Variants in POLR2J observed in about 807,000 individuals in gnomAD.
POLR2J encodes DNA-directed RNA polymerase II subunit RPB11-a.
POLR2J carries 12 observed loss-of-function variants against 13.4 expected under a neutral mutation model. That is an observed-to-expected ratio of 0.90 (90% confidence interval 0.57 to 1.45). The LOEUF (loss-of-function observed/expected upper bound fraction) is 1.45. POLR2J is among the 40% of genes most tolerant of loss of function. POLR2J has a pLI of 0.00. For synonymous variants in POLR2J, 31 were observed against 53.6 expected (o/e 0.58, Z 1.84); for missense variants, 58 against 132.0 (o/e 0.44, Z 2.75).
In POLR2J at chr7:102,473,580, T is replaced by G; in HGVS notation, c.*69A>C. ...GGACCGGCCGCTCTCCTCGGTGTGG[T>G]ACCTGGAGCGGAGGGTCAGGCACAG... On this transcript the variant is annotated 3_prime_UTR_variant, in exon 4 of 4. Transcript: ENST00000292614. The G allele has an allele frequency of 6.6e-7, 1 of 1,511,088 alleles. No homozygotes were observed. The highest frequency in any genetic ancestry group is 1.2e-5 in the South Asian group (1 of 80,536). The allele number at this position is 1,511,088 out of a possible 1,614,324, so 93.6% of individuals were successfully genotyped here. A position where few individuals can be genotyped will look rare whatever the true frequency, so the allele number is the denominator to read the frequency against.
intron 1 of POLR2J, 48 bp downstream of exon 1, chr7:102,478,760 C>A: frequency 6.2e-7 from 1 of 1,607,464 alleles, no homozygotes; most frequent in Non-Finnish European, 8.5e-7. Flanking sequence ...CAGAATGCGA[C>A]AGCCGCAGGC....
At position 102,473,223 on chromosome 7, in the gene POLR2J, A is replaced by G; in HGVS notation, c.*426T>C. The G allele has an allele frequency of 3.8e-6, 3 of 783,302 alleles. No homozygotes were observed. The highest frequency in any genetic ancestry group is 1.9e-5 in the South Asian group (1 of 52,012). 48.5% of individuals were successfully genotyped at this position (783,302 alleles called of 1,614,324 possible). A position where few individuals can be genotyped will look rare whatever the true frequency, so the allele number is the denominator to read the frequency against. ...GGAAGAAGTGTTCCTGCTTTGACTG[A>G]CAGGCAGGCCCAGGAGTTGAGGCTT... On this transcript the variant is annotated 3_prime_UTR_variant, in exon 4 of 4. Transcript: ENST00000292614.
intron 3 of POLR2J, chr7:102,473,985 G>A: frequency 1.4e-6 from 2 of 1,434,930 alleles, no homozygotes; most frequent in South Asian, 3.0e-5. Flanking sequence ...CATGCGCCCT[G>A]CCAGGAACAG....
chr7:102,476,603 C>T (rs1308619443), intron 1 of POLR2J, among the ~76,000 whole-genome samples: 1 of 131,966 alleles, frequency 7.6e-6, no homozygotes, highest in Non-Finnish European at 1.6e-5. Flanking sequence ...CATGCCACTG[C>T]ACTCCAGCCT....
At chr7:102,475,319 A>G (rs1420684641) in intron 2 of POLR2J, among the ~76,000 whole-genome samples, 1 of 152,254 alleles carries the variant, frequency 6.6e-6, no homozygotes, top group Non-Finnish European at 1.5e-5. Context: ...TCCCTGGGCC[A>G]GAATGGCAGA....
Position 102,473,465 on chromosome 7 carries a change from G to A in POLR2J, c.*184C>T, listed in dbSNP as rs188146786. ...TCAAGTCCACATCCAGGTCTCTCCC[G>A]CTATACTTTATTAGGAATATAAAAC... On this transcript the variant is annotated 3_prime_UTR_variant, in exon 4 of 4. Coordinates refer to ENST00000292614, the MANE Select transcript of POLR2J (RefSeq NM_006234.6). 180 of 780,372 alleles carry A rather than the reference G, an allele frequency of 2.3e-4. No individual in the cohort carries two copies. In the African/African-American group the frequency reaches 2.7e-3, roughly 12 times the overall value. 48.3% of individuals were successfully genotyped at this position (780,372 alleles called of 1,614,324 possible). A position where few individuals can be genotyped will look rare whatever the true frequency, so the allele number is the denominator to read the frequency against.
chr7:102,478,341 C>T (rs1798482002), intron 1 of POLR2J, among the ~76,000 whole-genome samples: 1 of 100,596 alleles, frequency 9.9e-6, no homozygotes, highest in Admixed American at 1.2e-4. Flanking sequence ...AACAGGGCCT[C>T]CGACAGATCA....
At chr7:102,475,690 G>A (rs1348367061) in intron 2 of POLR2J, among the ~76,000 whole-genome samples, 15 of 152,384 alleles carry the variant, frequency 9.8e-5, no homozygotes, top group African/African-American at 2.6e-4. Context: ...TTGGGAAGCC[G>A]GCAGGTGGAT....
intron 2 of POLR2J, among the ~76,000 whole-genome samples, chr7:102,475,087 G>T (rs1430003723): frequency 6.6e-6 from 1 of 152,092 alleles, no homozygotes; most frequent in Non-Finnish European, 1.5e-5. Flanking sequence ...AGCACCACAA[G>T]GGGGACCCGT....
Position 102,473,466 on chromosome 7 carries a change from C to CTATACTTTATTAG in POLR2J, c.*170_*182dup. 1 of 858,114 alleles carries CTATACTTTATTAG rather than the reference C, an allele frequency of 1.2e-6. No individual in the cohort carries two copies. The highest frequency in any genetic ancestry group is 1.7e-6 in the Non-Finnish European group (1 of 585,630). The allele number at this position is 858,114 out of a possible 1,614,324, so 53.2% of individuals were successfully genotyped here. A position where few individuals can be genotyped will look rare whatever the true frequency, so the allele number is the denominator to read the frequency against. On this transcript the variant is annotated 3_prime_UTR_variant, in exon 4 of 4. Coordinates refer to ENST00000292614, the MANE Select transcript of POLR2J (RefSeq NM_006234.6). Reference sequence around the variant, plus strand: ...CAAGTCCACATCCAGGTCTCTCCCGCTATACTTTATTAGGAATATAAAACC... The same window carrying CTATACTTTATTAG: ...CAAGTCCACATCCAGGTCTCTCCCGCTATACTTTATTAGTATACTTTATTAGGAATATAAAACC...
chr7:102,473,244 G>C lies in POLR2J; in HGVS notation c.*405C>G. 4 of 686,376 alleles carry C rather than the reference G, an allele frequency of 5.8e-6. No individual in the cohort carries two copies. Among genetic ancestry groups the C allele is most frequent in the Non-Finnish European group, 9.5e-6 (4 of 421,682 alleles). 42.5% of individuals were successfully genotyped at this position (686,376 alleles called of 1,614,324 possible). On this transcript the variant is annotated 3_prime_UTR_variant, in exon 4 of 4. Coordinates refer to ENST00000292614, the MANE Select transcript of POLR2J (RefSeq NM_006234.6). Reference sequence around the variant, plus strand: ...ACTGACAGGCAGGCCCAGGAGTTGAGGCTTCTAGAGCAGAGACTCTTGGGA... The same window carrying C: ...ACTGACAGGCAGGCCCAGGAGTTGACGCTTCTAGAGCAGAGACTCTTGGGA...
At chr7:102,478,369 TAC>T (rs1179049923) in intron 1 of POLR2J, among the ~76,000 whole-genome samples, 2 of 119,344 alleles carry the variant, frequency 1.7e-5, no homozygotes, top group Non-Finnish European at 3.4e-5. Flanking sequence ...CGCCCACAGA[TAC>T]AGAGTGAGCC....
chr7:102,473,236 G>A lies in POLR2J; in HGVS notation c.*413C>T, dbSNP rs1798282887. On this transcript the variant is annotated 3_prime_UTR_variant, in exon 4 of 4. Coordinates refer to ENST00000292614, the MANE Select transcript of POLR2J (RefSeq NM_006234.6). ...CTGCTTTGACTGACAGGCAGGCCCAGGAGTTGAGGCTTCTAGAGCAGAGAC... is the reference window on the plus strand; with the variant it reads ...CTGCTTTGACTGACAGGCAGGCCCAAGAGTTGAGGCTTCTAGAGCAGAGAC... 1 of 717,234 alleles carries A rather than the reference G, an allele frequency of 1.4e-6. No individual in the cohort carries two copies. The highest frequency in any genetic ancestry group is 2.2e-6 in the Non-Finnish European group (1 of 448,880). 44.4% of individuals were successfully genotyped at this position (717,234 alleles called of 1,614,324 possible).
chr7:102,477,944 T>G (rs1437702685), intron 1 of POLR2J, among the ~76,000 whole-genome samples: 3 of 129,538 alleles, frequency 2.3e-5, no homozygotes, highest in Non-Finnish European at 5.1e-5. Flanking sequence ...CCTCCCAAAG[T>G]GCCGGGATTA....
intron 1 of POLR2J, among the ~76,000 whole-genome samples, 164 bp from the exon 2 acceptor site, chr7:102,476,434 C>G (rs1238001318): frequency 6.6e-6 from 1 of 150,710 alleles, no homozygotes; most frequent in Non-Finnish European, 1.5e-5. Context: ...AGTTCAAGAC[C>G]AGCCTGCCCA....
chr7:102,473,935 C>T (rs907596141), intron 3 of POLR2J: 29 of 1,434,724 alleles, frequency 2.0e-5, no homozygotes, highest in Non-Finnish European at 2.6e-5. Flanking sequence ...TGAAATCCCC[C>T]AAGCTGTGGC....
rs1554580804 is a variant in POLR2J at position 102,473,468 on chromosome 7, A to ATACTT, written c.*176_*180dup. 2.7e-4 allele frequency: 234 copies of ATACTT among 861,888 alleles called. 1 individual carries two copies. In the African/African-American group the frequency reaches 3.2e-3, roughly 12 times the overall value. 53.4% of individuals were successfully genotyped at this position (861,888 alleles called of 1,614,324 possible). A position where few individuals can be genotyped will look rare whatever the true frequency, so the allele number is the denominator to read the frequency against. On this transcript the variant is annotated 3_prime_UTR_variant, in exon 4 of 4. Coordinates refer to ENST00000292614, the MANE Select transcript of POLR2J (RefSeq NM_006234.6). ...AGTCCACATCCAGGTCTCTCCCGCT[A>ATACTT]TACTTTATTAGGAATATAAAACCTA...
intron 3 of POLR2J, chr7:102,474,129 G>C: frequency 6.7e-7 from 1 of 1,502,332 alleles, no homozygotes; most frequent in Non-Finnish European, 8.9e-7. Flanking sequence ...CACAGCACCC[G>C]AGGGACCCTG....
chr7:102,473,685 C>G lies in POLR2J; in HGVS notation c.319-1G>C. The G allele has an allele frequency of 6.2e-7, 1 of 1,613,892 alleles. No homozygotes were observed. Among genetic ancestry groups the G allele is most frequent in the Non-Finnish European group, 8.5e-7 (1 of 1,179,898 alleles). Reference sequence around the variant, plus strand: ...CTTCCTGCTTGTCTTTTATGGCCACCTGGGAGAGAAGAAGGTGGTGGAGAC... The same window carrying G: ...CTTCCTGCTTGTCTTTTATGGCCACGTGGGAGAGAAGAAGGTGGTGGAGAC... On this transcript the variant is annotated splice_acceptor_variant, in intron 3 of 3. Coordinates refer to ENST00000292614, the MANE Select transcript of POLR2J (RefSeq NM_006234.6). LOFTEE classifies it high-confidence loss of function.
Sources: gnomAD v4.1 joint callset for allele counts (sites outside exome capture counted in the v4.1 genomes callset) on GRCh38, gnomAD v4.1.1 for gene constraint, MANE v1.5 for transcripts, NCBI Gene and HGNC (gene_info 2026-07-23, HGNC 2026-07-21) for gene names.